Variants in SRGN observed in about 807,000 individuals in gnomAD.
SRGN encodes hematopoetic proteoglycan core peptide.
In SRGN, 2 loss-of-function variants were observed where a neutral mutation model predicts 9.5. The observed-to-expected ratio is 0.21, with a 90% CI of 0.09 to 0.66. SRGN has a LOEUF of 0.66. Among genes scored for constraint, SRGN ranks in the 30% least tolerant of loss-of-function variants. SRGN has a pLI of 0.83. For missense variants in SRGN, 170 were observed against 192.4 expected (o/e 0.88, Z 0.69); for synonymous variants, 59 against 72.3 (o/e 0.82, Z 0.93).
At chr10:69,093,998 GTCC>G (rs1162597453) in intron 1 of SRGN, among the ~76,000 whole-genome samples, 2 of 152,194 alleles carry the variant, frequency 1.3e-5, no homozygotes, top group African/African-American at 2.4e-5. Flanking sequence ...GGTCATTGTT[GTCC>G]TCCTCCTTTT....
intron 1 of SRGN, among the ~76,000 whole-genome samples, chr10:69,091,547 A>G (rs370297538): frequency 1.3e-5 from 2 of 152,264 alleles, no homozygotes; most frequent in African/African-American, 2.4e-5. Context: ...GTTGCTGCTT[A>G]AGTTTCTCTA....
In SRGN at chr10:69,088,250, G is replaced by C. The variant is rs369886722; in HGVS notation, c.79+14G>C. On this transcript the variant is annotated intron_variant, in intron 1 of 2. Transcript: ENST00000242465. ...CCTCAGTTCAAGGTAAGACTCAGGA[G>C]TCTTGTTCCCCAGCCATCTTCTCTG... 23 of 1,610,446 alleles carry C rather than the reference G, an allele frequency of 1.4e-5. No homozygotes were observed. The African/African-American group carries it at 3.1e-4, about 22-fold the overall frequency.
intron 1 of SRGN, among the ~76,000 whole-genome samples, chr10:69,091,879 C>CAAAAAAAAAAAAAAA (rs1177012248): frequency 1.1e-3 from 35 of 31,758 alleles, no homozygotes; most frequent in East Asian, 3.9e-3. Context: ...GACTCTGTCT[C>CAAAAAAAAAAAAAAA]AAAAAAAAAA....
intron 2 of SRGN, among the ~76,000 whole-genome samples, chr10:69,102,822 AT>A (rs1248967192): frequency 2.0e-5 from 3 of 152,206 alleles, no homozygotes; most frequent in Non-Finnish European, 4.4e-5. Context: ...TTTACAAAGA[AT>A]TTCTCAAAAG....
intron 2 of SRGN, 43 bp from the exon 3 acceptor site, chr10:69,103,828 C>A: frequency 3.1e-6 from 5 of 1,599,884 alleles, no homozygotes; most frequent in Middle Eastern, 1.8e-4. Context: ...TCCCACATAT[C>A]AAACTCCACT....
intron 1 of SRGN, among the ~76,000 whole-genome samples, chr10:69,092,494 T>A (rs1840084681): frequency 6.6e-6 from 1 of 152,210 alleles, no homozygotes; most frequent in Non-Finnish European, 1.5e-5. Context: ...CCATTAAAAG[T>A]GTTCAATTCA....
At chr10:69,096,564 TAAG>T (rs1298805946) in intron 1 of SRGN, among the ~76,000 whole-genome samples, 2 of 152,334 alleles carry the variant, frequency 1.3e-5, no homozygotes, top group African/African-American at 4.8e-5. Flanking sequence ...TGGAGTGTTG[TAAG>T]AAGGACAATT....
intron 2 of SRGN, among the ~76,000 whole-genome samples, chr10:69,099,995 C>A (rs1261260383): frequency 2.0e-5 from 3 of 152,014 alleles, no homozygotes; most frequent in Non-Finnish European, 4.4e-5. Context: ...GAGGCCGAGG[C>A]GGATAGCTTG....
In SRGN at chr10:69,104,216, A is replaced by C; in HGVS notation, c.*96A>C. The C allele has an allele frequency of 6.8e-7, 1 of 1,460,982 alleles. No individual in the cohort carries two copies. The highest frequency in any genetic ancestry group is 2.3e-5 in the East Asian group (1 of 42,918). 90.5% of individuals were successfully genotyped at this position (1,460,982 alleles called of 1,614,324 possible). ...ATCTTGGGACAAAGAATTTTATAGA[A>C]ATTTTTAAACATCTGAAAAAGAAGC... On this transcript the variant is annotated 3_prime_UTR_variant, in exon 3 of 3. Transcript: ENST00000242465.
chr10:69,098,286 C>A (rs1429259712), intron 2 of SRGN, among the ~76,000 whole-genome samples: 1 of 152,072 alleles, frequency 6.6e-6, no homozygotes, highest in Non-Finnish European at 1.5e-5. Context: ...ATAGATAAAC[C>A]TTGGAAACAT....
intron 1 of SRGN, among the ~76,000 whole-genome samples, chr10:69,088,456 A>G (rs1839984827): frequency 6.6e-6 from 1 of 152,174 alleles, no homozygotes; most frequent in South Asian, 2.1e-4. Context: ...AAACTCTTAC[A>G]ATGATTGAAA....
rs779920554 is a variant in SRGN, at chr10:69,103,896, C to T, written c.253C>T (p.Arg85Cys). The T allele has an allele frequency of 6.2e-6, 10 of 1,613,906 alleles. No individual in the cohort carries two copies. Among genetic ancestry groups the T allele is most frequent in the African/African-American group, 1.3e-5 (1 of 74,916 alleles). ...FPKTRIQDLN[R>C]IFPLSEDYSG... ...AAAGACGAGAATCCAGGACTTGAATCGTATCTTCCCACTTTCTGAGGACTA... is the reference window on the plus strand; with the variant it reads ...AAAGACGAGAATCCAGGACTTGAATTGTATCTTCCCACTTTCTGAGGACTA... Residue 85 changes from arginine to cysteine, a missense_variant, in exon 3 of 3, where the codon CGT becomes TGT. Physicochemically the swap from Arg to Cys is radical, Grantham distance 180 (BLOSUM62 -3). Coordinates refer to ENST00000242465, the MANE Select transcript of SRGN (RefSeq NM_002727.4).
At chr10:69,094,076 T>C (rs1040772256) in intron 1 of SRGN, among the ~76,000 whole-genome samples, 1 of 152,154 alleles carries the variant, frequency 6.6e-6, no homozygotes, top group Non-Finnish European at 1.5e-5. Flanking sequence ...GAACCTAACA[T>C]TTGTATCTCC....
chr10:69,104,283 G>C lies in SRGN; in HGVS notation c.*163G>C, dbSNP rs1476308739. On this transcript the variant is annotated 3_prime_UTR_variant, in exon 3 of 3. Coordinates refer to ENST00000242465, the MANE Select transcript of SRGN (RefSeq NM_002727.4). ...TTTTTTTTCTCATGAATTCTTAAAG[G>C]ATTATGCTTTAATGCTGTTATCTAT... 4 of 970,642 alleles carry C rather than the reference G, an allele frequency of 4.1e-6. No homozygotes were observed. Among genetic ancestry groups the C allele is most frequent in the Non-Finnish European group, 5.9e-6 (4 of 682,696 alleles). 60.1% of individuals were successfully genotyped at this position (970,642 alleles called of 1,614,324 possible).
intron 1 of SRGN, among the ~76,000 whole-genome samples, chr10:69,091,596 A>T (rs767638794): frequency 2.1e-4 from 32 of 152,128 alleles, no homozygotes; most frequent in Non-Finnish European, 3.7e-4. Context: ...ATAGGAAATT[A>T]GGCTCGGTAC....
chr10:69,092,186 T>C (rs570055822), intron 1 of SRGN, among the ~76,000 whole-genome samples: 157 of 152,194 alleles, frequency 1.0e-3, no homozygotes, highest in Middle Eastern at 3.4e-3. Context: ...GAAGATAACA[T>C]TTCTATCCAT....
intron 1 of SRGN, among the ~76,000 whole-genome samples, chr10:69,088,851 T>C (rs192337089): frequency 5.1e-4 from 78 of 152,328 alleles, no homozygotes; most frequent in African/African-American, 1.6e-3. Flanking sequence ...CAGAGAAGCA[T>C]CATATTCGGA....
chr10:69,096,993 C>T (rs1449431939), intron 1 of SRGN, 91 bp from the exon 2 acceptor site: 2 of 1,376,814 alleles, frequency 1.5e-6, no homozygotes, highest in East Asian at 2.5e-5. Flanking sequence ...GACCCTGTCT[C>T]GAAAAAAAAA....
chr10:69,091,906 AAAGAAAAAGAAAAGAAAAG>A (rs1840067639), intron 1 of SRGN, among the ~76,000 whole-genome samples: 2 of 91,262 alleles, frequency 2.2e-5, no homozygotes, highest in African/African-American at 5.7e-5. Flanking sequence ...AAAAAAAAAA[AAAGAAAAAGAAAAGAAAAG>A]AAAAAAAAAA....
Sources: gnomAD v4.1 joint callset for allele counts (sites outside exome capture counted in the v4.1 genomes callset) on GRCh38, gnomAD v4.1.1 for gene constraint, MANE v1.5 for transcripts, NCBI Gene and HGNC (gene_info 2026-07-23, HGNC 2026-07-21) for gene names.